The following R3HCC1L variants were observed in gnomAD, a reference collection of about 807,000 sequenced individuals.
R3HCC1L encodes coiled-coil domain-containing protein R3HCC1L.
A neutral mutation model predicts 59.9 loss-of-function variants in R3HCC1L; 51 were observed. The observed-to-expected ratio is 0.85, with a 90% CI of 0.68 to 1.07. The LOEUF (loss-of-function observed/expected upper bound fraction) is 1.07. R3HCC1L is among the 50% of genes least tolerant of loss of function. The pLI is 0.00. For synonymous variants in R3HCC1L, 322 were observed against 315.2 expected, an observed-to-expected ratio of 1.02 and a Z score of -0.23; for missense variants, 965 against 933.0, an observed-to-expected ratio of 1.03 and a Z score of -0.45.
chr10:98,141,381 T>C (rs1033217359), intron 1 of R3HCC1L, among the ~76,000 whole-genome samples: 5 of 152,196 alleles, frequency 3.3e-5, no homozygotes, highest in African/African-American at 1.2e-4. Context: ...GGATTGGACC[T>C]TCCTTAAAGT....
intron 1 of R3HCC1L, among the ~76,000 whole-genome samples, chr10:98,154,619 T>C (rs189197997): frequency 1.3e-5 from 2 of 150,956 alleles, no homozygotes; most frequent in East Asian, 3.9e-4. Context: ...ACCTTGCTGC[T>C]GGAGAGGCTG....
At chr10:98,189,918 C>A (rs527619142) in intron 4 of R3HCC1L, among the ~76,000 whole-genome samples, 1 of 152,270 alleles carries the variant, frequency 6.6e-6, no homozygotes, top group East Asian at 1.9e-4. Context: ...AAGGACATTT[C>A]TTGATTTCTT....
rs1273096960 is a variant in R3HCC1L, at chr10:98,158,799, C to G, written c.-213+2652C>G. Among the ~76,000 whole-genome samples the G allele has an allele frequency of 2.0e-5, 3 of 151,216 alleles. No homozygotes were observed. The East Asian group carries it at 5.8e-4, about 29-fold the overall frequency. ...AATCTGGTGCAGTTCCTGTTTTTTTCATGACATTGACTTTTTTTTTTTTTT... is the reference window on the plus strand; with the variant it reads ...AATCTGGTGCAGTTCCTGTTTTTTTGATGACATTGACTTTTTTTTTTTTTT... On this transcript the variant is annotated intron_variant, in intron 2 of 9. Coordinates refer to ENST00000298999, the MANE Select transcript of R3HCC1L (RefSeq NM_001351015.2).
intron 5 of R3HCC1L, 57 bp from the exon 6 acceptor site, chr10:98,231,455 A>G: frequency 1.4e-6 from 2 of 1,476,824 alleles, no homozygotes; most frequent in East Asian, 2.3e-5. Flanking sequence ...ATAGGAATAT[A>G]TTTTACAATA....
chr10:98,152,898 A>AG (rs34206602), intron 1 of R3HCC1L, among the ~76,000 whole-genome samples: 1 of 146,092 alleles, frequency 6.8e-6, no homozygotes, highest in East Asian at 2.1e-4. Flanking sequence ...GGGAGGGAGG[A>AG]GGGGGGTCAG....
rs73323878 is a variant in R3HCC1L, at chr10:98,176,118, G to A, written c.-15+12721G>A. On this transcript the variant is annotated intron_variant, in intron 4 of 9. Transcript: ENST00000298999. ...GAGTCTTCTTCTGGACTCTTACTGCGTTTCATACATCTAAATGTTTACCCT... is the reference window on the plus strand; with the variant it reads ...GAGTCTTCTTCTGGACTCTTACTGCATTTCATACATCTAAATGTTTACCCT... 1.5e-3 allele frequency among the ~76,000 whole-genome samples: 226 copies of A among 152,040 alleles called. 1 individual carries two copies. Among genetic ancestry groups the A allele is most frequent in the African/African-American group, 5.0e-3 (207 of 41,510 alleles).
At chr10:98,148,592 A>C (rs1845875304) in intron 1 of R3HCC1L, among the ~76,000 whole-genome samples, 1 of 152,182 alleles carries the variant, frequency 6.6e-6, no homozygotes, top group African/African-American at 2.4e-5. Flanking sequence ...TTTATCATAA[A>C]GGGATATTAG....
rs146464921 is a variant in R3HCC1L, at chr10:98,136,558, A to G, written c.-268+1852A>G. Among the ~76,000 whole-genome samples, 454 of 152,322 alleles carry G rather than the reference A, an allele frequency of 3.0e-3. 4 individuals carry two copies. Among genetic ancestry groups the G allele is most frequent in the African/African-American group, 9.3e-3 (385 of 41,560 alleles). The stretch of plus-strand genomic sequence containing the variant: ...TTTAATAATTTAATAATTTGTGTCC[A>G]GACGCGGTGCCTCACGCCTGTAATC... On this transcript the variant is annotated intron_variant, in intron 1 of 9. Coordinates refer to ENST00000298999, the MANE Select transcript of R3HCC1L (RefSeq NM_001351015.2).
At chr10:98,144,085 T>C (rs985853868) in intron 1 of R3HCC1L, among the ~76,000 whole-genome samples, 8 of 152,090 alleles carry the variant, frequency 5.3e-5, no homozygotes, top group African/African-American at 1.9e-4. Context: ...AGCAAGAAGA[T>C]TGCTTGAGCT....
rs369410194 is a variant in R3HCC1L at position 98,218,280 on chromosome 10, C to T, written c.1785+8381C>T. On this transcript the variant is annotated intron_variant, in intron 5 of 9. Coordinates refer to ENST00000298999, the MANE Select transcript of R3HCC1L (RefSeq NM_001351015.2). ...GTTGAGATGTTTATATGGGTTTTGA[C>T]CTTCATTCTGTTGATCTAATGTATC... is the stretch of plus-strand genomic sequence containing the variant. Among the ~76,000 whole-genome samples the T allele has an allele frequency of 3.3e-5, 5 of 151,750 alleles. No homozygotes were observed. In the South Asian group the frequency reaches 1.0e-3, roughly 32 times the overall value.
chr10:98,167,850 C>G (rs774868740), intron 4 of R3HCC1L, among the ~76,000 whole-genome samples: 6 of 152,174 alleles, frequency 3.9e-5, no homozygotes, highest in Non-Finnish European at 8.8e-5. Flanking sequence ...ATATATGACA[C>G]TTAGCTGAGA....
At chr10:98,179,878 T>A (rs897052926) in intron 4 of R3HCC1L, among the ~76,000 whole-genome samples, 1 of 152,212 alleles carries the variant, frequency 6.6e-6, no homozygotes, top group Non-Finnish European at 1.5e-5. Context: ...TCTCTGATAG[T>A]AGTTTGTATT....
At chr10:98,215,087 C>G (rs1854019786) in intron 5 of R3HCC1L, among the ~76,000 whole-genome samples, 1 of 152,152 alleles carries the variant, frequency 6.6e-6, no homozygotes, top group Admixed American at 6.6e-5. Context: ...GCCTTTGTCT[C>G]TACCTGACTG....
In R3HCC1L at chr10:98,235,432, T is replaced by C. The variant is rs770526719; in HGVS notation, c.2040T>C (p.Asp680=). Residue 680 remains aspartate (D), a synonymous_variant, in exon 8 of 10, where the codon GAT becomes GAC. Transcript: ENST00000298999. ...TTTTATTCCTCTTTGCAGCTCGTGA[T>C]GCGTTGGGTATTAAACACACCATGG... ...GVFSSPITAR[D]ALGIKHTMVK... The C allele has an allele frequency of 3.1e-6, 5 of 1,613,330 alleles. No homozygotes were observed. Among genetic ancestry groups the C allele is most frequent in the Non-Finnish European group, 4.2e-6 (5 of 1,179,528 alleles).
chr10:98,186,242 A>G (rs952393559), intron 4 of R3HCC1L, among the ~76,000 whole-genome samples: 1 of 152,190 alleles, frequency 6.6e-6, no homozygotes, highest in Non-Finnish European at 1.5e-5. Context: ...TATGTAAGTC[A>G]TGGTAAATGA....
intron 2 of R3HCC1L, among the ~76,000 whole-genome samples, chr10:98,158,357 G>A (rs1847084297): frequency 6.6e-6 from 1 of 152,134 alleles, no homozygotes; most frequent in Non-Finnish European, 1.5e-5. Flanking sequence ...CCATTTACTT[G>A]ATTGTACATT....
chr10:98,224,746 A>G (rs1449063000), intron 5 of R3HCC1L, among the ~76,000 whole-genome samples: 1 of 152,266 alleles, frequency 6.6e-6, no homozygotes, highest in Non-Finnish European at 1.5e-5. Context: ...ATCAGAATGA[A>G]TGAAATTCTA....
At chr10:98,164,105 G>A (rs1847708310) in intron 4 of R3HCC1L, among the ~76,000 whole-genome samples, 1 of 152,144 alleles carries the variant, frequency 6.6e-6, no homozygotes, top group African/African-American at 2.4e-5. Context: ...AGCTTTAGGG[G>A]TAACCAGAGG....
At chr10:98,171,668 T>C (rs1020195926) in intron 4 of R3HCC1L, among the ~76,000 whole-genome samples, 2 of 152,192 alleles carry the variant, frequency 1.3e-5, no homozygotes, top group African/African-American at 4.8e-5. Flanking sequence ...AAGAAGTCAT[T>C]TGGGGATAAG....
Sources: gnomAD v4.1 joint callset for allele counts (sites outside exome capture counted in the v4.1 genomes callset) on GRCh38, gnomAD v4.1.1 for gene constraint, MANE v1.5 for transcripts, NCBI Gene and HGNC (gene_info 2026-07-23, HGNC 2026-07-21) for gene names.